The following CCDC148 variants were observed in gnomAD, a reference collection of about 807,000 sequenced individuals.
CCDC148 encodes the protein coiled-coil domain containing 148.
CCDC148 carries 89 observed loss-of-function variants against 85.7 expected under a neutral mutation model. The observed-to-expected ratio is 1.04, with a 90% confidence interval of 0.87 to 1.24. The LOEUF (loss-of-function observed/expected upper bound fraction) is 1.24. Among genes scored for constraint, CCDC148 ranks in the 50% most tolerant of loss-of-function variants. The pLI is 0.00. For synonymous variants in CCDC148, 230 were observed against 213.9 expected (o/e 1.08, Z -0.66); for missense variants, 692 against 671.7 (o/e 1.03, Z -0.33).
intron 11 of CCDC148, among the ~76,000 whole-genome samples, chr2:158,211,773 A>T (rs1686591273): frequency 6.6e-6 from 1 of 152,200 alleles, no homozygotes; most frequent in African/African-American, 2.4e-5. Flanking sequence ...CAGCTGTGCC[A>T]TCTCTGCCCA....
At chr2:158,172,310 C>T in intron 13 of CCDC148, 51 bp from the exon 14 acceptor site, 3 of 1,380,390 alleles carry the variant, frequency 2.2e-6, no homozygotes, top group Non-Finnish European at 3.0e-6. Context: ...ACTAAAATAA[C>T]TTTTAACATT....
intron 9 of CCDC148, among the ~76,000 whole-genome samples, chr2:158,307,762 C>T (rs1691765324): frequency 6.6e-6 from 1 of 152,054 alleles, no homozygotes; most frequent in South Asian, 2.1e-4. Context: ...TATGATGAAT[C>T]CAAGAAGTAC....
intron 1 of CCDC148, among the ~76,000 whole-genome samples, chr2:158,425,497 C>CTG (rs1553520736): frequency 6.6e-6 from 1 of 151,924 alleles, no homozygotes; most frequent in Non-Finnish European, 1.5e-5. Flanking sequence ...CCTTTGCTAT[C>CTG]TGTTATGACT....
chr2:158,227,084 A>G (rs1687581599), intron 10 of CCDC148, among the ~76,000 whole-genome samples: 1 of 152,204 alleles, frequency 6.6e-6, no homozygotes, highest in African/African-American at 2.4e-5. Context: ...AATCTCCTTA[A>G]GCTGATAGGC....
At chr2:158,425,085 C>A in intron 1 of CCDC148, 1 of 464,054 alleles carries the variant, frequency 2.2e-6, no homozygotes, top group South Asian at 1.5e-5. Flanking sequence ...TAATTGGAAT[C>A]AATGATCTAG....
intron 10 of CCDC148, among the ~76,000 whole-genome samples, chr2:158,245,942 A>G (rs866211518): frequency 6.6e-6 from 1 of 152,298 alleles, no homozygotes; most frequent in Middle Eastern, 3.4e-3. Flanking sequence ...AACTGTAACT[A>G]TTATATTCAA....
chr2:158,285,224 G>A (rs1690561446), intron 9 of CCDC148, among the ~76,000 whole-genome samples: 1 of 150,708 alleles, frequency 6.6e-6, no homozygotes, highest in Non-Finnish European at 1.5e-5. Flanking sequence ...GGAGACAGAG[G>A]TTGCAGCGAG....
chr2:158,372,256 G>A (rs112425143), intron 1 of CCDC148, among the ~76,000 whole-genome samples: 4,091 of 152,120 alleles, frequency 0.027, 74 homozygotes, highest in Middle Eastern at 0.092. Flanking sequence ...GGGGCGGGGG[G>A]AAAGGACAAA....
rs879561059 is a variant in CCDC148 at position 158,337,653 on chromosome 2, G to A, written c.764+1073C>T. On this transcript the variant is annotated intron_variant, in intron 7 of 13. Coordinates refer to ENST00000283233, the MANE Select transcript of CCDC148 (RefSeq NM_138803.4). ...AAAGGCTATCAGGAGACCAAAAGGT[G>A]TGTGATGTGGAGAAGCTACCATCAG... is the stretch of plus-strand genomic sequence containing the variant. 3.9e-5 allele frequency among the ~76,000 whole-genome samples: 6 copies of A among 152,266 alleles called. No individual in the cohort carries two copies. The East Asian group carries it at 1.2e-3, about 29-fold the overall frequency.
At chr2:158,431,670 G>A (rs1687359875) in intron 1 of CCDC148, among the ~76,000 whole-genome samples, 1 of 152,180 alleles carries the variant, frequency 6.6e-6, no homozygotes. Flanking sequence ...AAGCACAGTG[G>A]CTCATGCCTA....
At chr2:158,278,670 G>A (rs71421071) in intron 9 of CCDC148, among the ~76,000 whole-genome samples, 2,286 of 152,376 alleles carry the variant, frequency 0.015, 29 homozygotes, top group Middle Eastern at 0.044. Flanking sequence ...AGGCCTGCCT[G>A]CCTCTGTAGG....
intron 1 of CCDC148, among the ~76,000 whole-genome samples, chr2:158,452,602 T>C (rs2105351523): frequency 6.6e-6 from 1 of 152,086 alleles, no homozygotes; most frequent in Admixed American, 6.5e-5. Flanking sequence ...AGCTGCTCTC[T>C]CTGGTTCTCT....
At position 158,340,580 on chromosome 2, in the gene CCDC148, G is replaced by A; in HGVS notation, c.334+18C>T. On this transcript the variant is annotated intron_variant, in intron 4 of 13. Coordinates refer to ENST00000283233, the MANE Select transcript of CCDC148 (RefSeq NM_138803.4). ...AAAATAAAACTCCCCTTTAAATATA[G>A]GATCAAAAAAATCTTACCAAAATTT... 1.9e-6 allele frequency: 3 copies of A among 1,544,898 alleles called. No individual in the cohort carries two copies. The highest frequency in any genetic ancestry group is 2.4e-5 in the South Asian group (2 of 83,682).
intron 2 of CCDC148, among the ~76,000 whole-genome samples, chr2:158,357,083 G>T (rs1420074790): frequency 7.1e-6 from 1 of 140,482 alleles, no homozygotes; most frequent in Non-Finnish European, 1.5e-5. Context: ...CTGTTATGGG[G>T]TTGGGGGAGG....
In CCDC148 at chr2:158,352,837, T is replaced by C. The variant is rs1388528239; in HGVS notation, c.147+5612A>G. 1.3e-5 allele frequency among the ~76,000 whole-genome samples: 2 copies of C among 152,048 alleles called. 1 individual carries two copies. Among genetic ancestry groups the C allele is most frequent in the Non-Finnish European group, 2.9e-5 (2 of 68,032 alleles). On this transcript the variant is annotated intron_variant, in intron 2 of 13. Coordinates refer to ENST00000283233, the MANE Select transcript of CCDC148 (RefSeq NM_138803.4). ...AGGGCAGCCAGAGAGAAAGGTCGGG[T>C]TACTCTCAAAGGGAAGCCCATCAGA...
intron 2 of CCDC148, among the ~76,000 whole-genome samples, chr2:158,357,039 C>T (rs1192642621): frequency 6.9e-6 from 1 of 145,786 alleles, no homozygotes; most frequent in Non-Finnish European, 1.5e-5. Context: ...AATGAGATCA[C>T]ATGGACACAG....
At chr2:158,394,725 G>T (rs1177812759) in intron 1 of CCDC148, among the ~76,000 whole-genome samples, 1 of 151,912 alleles carries the variant, frequency 6.6e-6, no homozygotes, top group Non-Finnish European at 1.5e-5. Flanking sequence ...CCTTTCATGA[G>T]CCTCATACCC....
intron 9 of CCDC148, among the ~76,000 whole-genome samples, chr2:158,260,483 T>C (rs986732601): frequency 6.6e-6 from 1 of 151,936 alleles, no homozygotes; most frequent in Non-Finnish European, 1.5e-5. Context: ...ACCACTACTA[T>C]GCAACATAGT....
At chr2:158,265,932 C>T (rs1305104278) in intron 9 of CCDC148, among the ~76,000 whole-genome samples, 1 of 152,146 alleles carries the variant, frequency 6.6e-6, no homozygotes, top group Non-Finnish European at 1.5e-5. Context: ...CATCCTGTCA[C>T]CAAATCATCC....
Sources: allele counts gnomAD v4.1 joint callset (sites outside exome capture counted in the v4.1 genomes callset), GRCh38; gene constraint gnomAD v4.1.1; transcripts MANE v1.5; gene names NCBI Gene and HGNC (gene_info 2026-07-23, HGNC 2026-07-21).